DET1: variants seen among roughly 807,000 people sequenced by gnomAD.
The protein encoded by DET1 is DET1 partner of COP1 E3 ubiquitin ligase.
In DET1, 22 loss-of-function variants were observed where a neutral mutation model predicts 43.7. The observed-to-expected ratio is 0.50, with a 90% CI of 0.36 to 0.72. The LOEUF is 0.72. DET1 is among the 30% of genes least tolerant of loss of function. DET1 has a pLI of 0.00. For missense variants in DET1, 713 were observed against 713.3 expected (o/e 1.00, Z 0.00); for synonymous variants, 315 against 266.2 (o/e 1.18, Z -1.79).
rs1303789133 is a variant in DET1, at chr15:88,513,156, A to T, written c.1464-16T>A. The T allele has an allele frequency of 6.3e-7, 1 of 1,591,470 alleles. No individual in the cohort carries two copies. Among genetic ancestry groups the T allele is most frequent in the Non-Finnish European group, 8.6e-7 (1 of 1,167,332 alleles). On this transcript the variant is annotated splice_polypyrimidine_tract_variant and intron_variant, in intron 4 of 4. Transcript: ENST00000268148. ...GGCATAGAACCTAAAAAGAACAAGGACAGAGACAGAGAAAGAGGGGACAGG... is the reference window on the plus strand; with the variant it reads ...GGCATAGAACCTAAAAAGAACAAGGTCAGAGACAGAGAAAGAGGGGACAGG...
chr15:88,539,622 C>T (rs1481133956), intron 1 of DET1, among the ~76,000 whole-genome samples: 2 of 152,138 alleles, frequency 1.3e-5, no homozygotes, highest in African/African-American at 2.4e-5. Flanking sequence ...TGGGTAAAAA[C>T]TTCTTCAAGG....
Position 88,512,903 on chromosome 15 carries a change from G to A in DET1, c.*48C>T. The A allele has an allele frequency of 6.3e-7, 1 of 1,598,056 alleles. No individual in the cohort carries two copies. Among genetic ancestry groups the A allele is most frequent in the Non-Finnish European group, 8.6e-7 (1 of 1,169,086 alleles). On this transcript the variant is annotated 3_prime_UTR_variant, in exon 5 of 5. Coordinates refer to ENST00000268148, the MANE Select transcript of DET1 (RefSeq NM_001144074.3). ...TGCTTTGGAGTCCACTGAGATAAGT[G>A]AGTGGCAAAGTCTTGGAAGACCAGA... is the stretch of plus-strand genomic sequence containing the variant.
At chr15:88,513,717 A>G (rs1445281948) in intron 4 of DET1, among the ~76,000 whole-genome samples, 1 of 147,944 alleles carries the variant, frequency 6.8e-6, no homozygotes, top group Non-Finnish European at 1.5e-5. Flanking sequence ...CAATTGCCAC[A>G]TGTGGCTAGT....
downstream of DET1, among the ~76,000 whole-genome samples, chr15:88,510,984 G>T (rs1167777611): frequency 6.6e-6 from 1 of 152,046 alleles, no homozygotes; most frequent in African/African-American, 2.4e-5. Context: ...GTGTTAGCCA[G>T]GAAGGTCTTG....
intron 3 of DET1, among the ~76,000 whole-genome samples, chr15:88,523,387 C>T (rs2056556647): frequency 6.6e-6 from 1 of 152,074 alleles, no homozygotes; most frequent in South Asian, 2.1e-4. Flanking sequence ...CATGTGTTCA[C>T]AAGAATTAAA....
rs775263018 is a variant in DET1 at position 88,530,803 on chromosome 15, T to C, written c.903A>G (p.Val301=). Residue 301 remains valine, a synonymous_variant, in exon 2 of 5, where the codon GTA becomes GTG. Transcript: ENST00000268148. ...CCTGTTCTGCCCGGCGCCACAAATATACCAGCAACCGGTGTTTGAGGGAAT... is the reference window on the plus strand; with the variant it reads ...CCTGTTCTGCCCGGCGCCACAAATACACCAGCAACCGGTGTTTGAGGGAAT... ...FINSLKHRLL[V]YLWRRAEQDG... is the part of the protein sequence containing the mutation. 2.5e-6 allele frequency: 4 copies of C among 1,613,968 alleles called. No homozygotes were observed. In the Admixed American group the frequency reaches 5.0e-5, roughly 20 times the overall value.
chr15:88,543,718 A>T (rs891310565), intron 1 of DET1, among the ~76,000 whole-genome samples: 11 of 152,196 alleles, frequency 7.2e-5, no homozygotes, highest in Non-Finnish European at 1.5e-4. Context: ...CCGATGGGGT[A>T]AGGATAAACG....
chr15:88,527,170 T>G, intron 3 of DET1, among the ~76,000 whole-genome samples: 1 of 152,362 alleles, frequency 6.6e-6, no homozygotes, highest in Admixed American at 6.5e-5. Context: ...CTATACTTTG[T>G]TTATACCTCT....
intron 1 of DET1, among the ~76,000 whole-genome samples, chr15:88,543,229 T>C (rs2057158798): frequency 6.6e-6 from 1 of 152,196 alleles, no homozygotes. Context: ...GGCTTATTTA[T>C]CTAAGAGGCT....
intron 3 of DET1, among the ~76,000 whole-genome samples, chr15:88,521,411 C>G (rs974680743): frequency 6.6e-6 from 1 of 152,186 alleles, no homozygotes; most frequent in Admixed American, 6.5e-5. Flanking sequence ...CTTGGACACA[C>G]TTTTCTTGGA....
chr15:88,510,487 C>A (rs1249638184), downstream of DET1, among the ~76,000 whole-genome samples: 1 of 152,136 alleles, frequency 6.6e-6, no homozygotes, highest in African/African-American at 2.4e-5. Context: ...TAGTTCAGCC[C>A]CACGAACATG....
At chr15:88,518,565 G>A (rs2056408994) in intron 3 of DET1, among the ~76,000 whole-genome samples, 1 of 152,118 alleles carries the variant, frequency 6.6e-6, no homozygotes, top group Non-Finnish European at 1.5e-5. Context: ...GTTGTATAAT[G>A]ACATTTTGAA....
In DET1 at chr15:88,527,720, C is replaced by G. The variant is rs1248569680; in HGVS notation, c.1150G>C (p.Asp384His). The G allele has an allele frequency of 1.2e-6, 2 of 1,613,750 alleles. No homozygotes were observed. The highest frequency in any genetic ancestry group is 1.3e-5 in the African/African-American group (1 of 74,898). Reference sequence around the variant, plus strand: ...TTCTCAAAGAGCTCCAAAAGCTCATCTGATGTATTCTCAAACACAGCAATC... The same window carrying G: ...TTCTCAAAGAGCTCCAAAAGCTCATGTGATGTATTCTCAAACACAGCAATC... ...EVIAVFENTS[D>H]ELLELFENFC... Residue 384 changes from aspartate (D) to histidine (H), a missense_variant, in exon 3 of 5, where the codon GAT becomes CAT. Transcript: ENST00000268148.
intron 3 of DET1, among the ~76,000 whole-genome samples, chr15:88,523,720 CAG>C (rs199974444): frequency 0.022 from 3,350 of 152,356 alleles, 98 homozygotes; most frequent in African/African-American, 0.076. Flanking sequence ...GGATTGCAGA[CAG>C]AGTCTCGCTC....
At position 88,531,984 on chromosome 15, in the gene DET1, C is replaced by A; in HGVS notation, c.-10-269G>T. ...TTGGGAAAGTTCAACAGAAAAAAAC[C>A]TACAACTACAAATTTGAACAGTATA... is the stretch of plus-strand genomic sequence containing the variant. On this transcript the variant is annotated intron_variant, in intron 1 of 4. Transcript: ENST00000268148. This position sits in a 1 kb window ranked among gnomAD's most constrained non-coding sequence, Gnocchi z 6.2. 1 of 410,376 alleles carries A rather than the reference C, an allele frequency of 2.4e-6. No individual in the cohort carries two copies. The allele number at this position is 410,376 out of a possible 1,614,324, so 25.4% of individuals were successfully genotyped here. A position where few individuals can be genotyped will look rare whatever the true frequency, so the allele number is the denominator to read the frequency against.
chr15:88,524,587 T>C (rs550396243), intron 3 of DET1, among the ~76,000 whole-genome samples: 1 of 152,250 alleles, frequency 6.6e-6, no homozygotes, highest in South Asian at 2.1e-4. Flanking sequence ...GAGGTAGACA[T>C]GGGAGACTCC....
chr15:88,540,692 C>G (rs989679580), intron 1 of DET1, among the ~76,000 whole-genome samples: 3 of 144,530 alleles, frequency 2.1e-5, no homozygotes, highest in Admixed American at 1.4e-4. Context: ...GCCCCAACCC[C>G]GTGCTCTCTG....
At chr15:88,523,855 C>T (rs1022410875) in intron 3 of DET1, among the ~76,000 whole-genome samples, 17 of 152,094 alleles carry the variant, frequency 1.1e-4, no homozygotes, top group East Asian at 3.9e-4. Flanking sequence ...TCTGCCCGGC[C>T]GCCACCCCGT....
Position 88,516,779 on chromosome 15 carries a change from T to C in DET1, c.1463+3A>G, listed in dbSNP as rs1422588948. The C allele has an allele frequency of 1.9e-6, 3 of 1,571,078 alleles. No homozygotes were observed. The highest frequency in any genetic ancestry group is 1.2e-5 in the South Asian group (1 of 83,538). ...GTTTGTAGCTATAGCAGTGACACTG[T>C]ACCTGATTGGGTGATCTCCACAAGT... On this transcript the variant is annotated splice_donor_region_variant and intron_variant, in intron 4 of 4. Coordinates refer to ENST00000268148, the MANE Select transcript of DET1 (RefSeq NM_001144074.3). This position sits in a 1 kb window ranked among gnomAD's most constrained non-coding sequence, Gnocchi z 4.4.
Sources: allele counts gnomAD v4.1 joint callset (sites outside exome capture counted in the v4.1 genomes callset), GRCh38; gene constraint gnomAD v4.1.1; non-coding constraint Gnocchi (gnomAD v3.1); transcripts MANE v1.5; gene names NCBI Gene and HGNC (gene_info 2026-07-23, HGNC 2026-07-21).